Variants in L3MBTL3 observed in about 807,000 individuals in gnomAD.
The protein encoded by L3MBTL3 is lethal(3)malignant brain tumor-like protein 3.
A neutral mutation model predicts 102.3 loss-of-function variants in L3MBTL3; 27 were observed. That is an observed-to-expected ratio of 0.26 (90% CI 0.19 to 0.36). The LOEUF (loss-of-function observed/expected upper bound fraction) is 0.36. Ranked by LOEUF, L3MBTL3 falls within the 10% of genes least tolerant of loss-of-function variation. L3MBTL3 has a pLI of 1.00. For synonymous variants in L3MBTL3, 340 were observed against 320.9 expected (o/e 1.06, Z -0.64); for missense variants, 798 against 955.3 (o/e 0.84, Z 2.17).
At chr6:130,082,476 T>C (rs565288049) in intron 14 of L3MBTL3, among the ~76,000 whole-genome samples, 4 of 152,348 alleles carry the variant, frequency 2.6e-5, no homozygotes, top group African/African-American at 9.6e-5. Context: ...TGAGTTATAA[T>C]TGATTGCTAG....
At chr6:130,065,114 G>C (rs938455578) in intron 10 of L3MBTL3, among the ~76,000 whole-genome samples, 1 of 152,062 alleles carries the variant, frequency 6.6e-6, no homozygotes, top group Non-Finnish European at 1.5e-5. Context: ...TTGTAAATTT[G>C]ATGTATGTGG....
chr6:130,069,428 T>C (rs1011223064), intron 12 of L3MBTL3, among the ~76,000 whole-genome samples: 1 of 152,240 alleles, frequency 6.6e-6, no homozygotes, highest in African/African-American at 2.4e-5. Flanking sequence ...CTGAAATGTT[T>C]TCTGATTTAA....
chr6:130,084,548 T>C (rs2115133994), intron 15 of L3MBTL3, among the ~76,000 whole-genome samples: 1 of 152,294 alleles, frequency 6.6e-6, no homozygotes, highest in South Asian at 2.1e-4. Flanking sequence ...AAAAAATGTG[T>C]GTGATTTCAT....
At chr6:130,132,014 A>T (rs1787099807) in intron 20 of L3MBTL3, among the ~76,000 whole-genome samples, 1 of 152,244 alleles carries the variant, frequency 6.6e-6, no homozygotes, top group East Asian at 1.9e-4. Flanking sequence ...GCTCCTGCTC[A>T]AGATGGAGTT....
chr6:130,052,955 C>T lies in L3MBTL3; in HGVS notation c.546C>T (p.Asp182=), dbSNP rs1485945248. ...AACCAAAATTATCTCTGAAAGCTGA[C>T]ACCAAGGAGGATGGAGAAGAGAGAG... is the stretch of plus-strand genomic sequence containing the variant. ...KKKPKLSLKA[D]TKEDGEERDD... Residue 182 remains aspartate (D), a synonymous_variant, in exon 7 of 23, where the codon GAC becomes GAT. Coordinates refer to ENST00000361794, the MANE Select transcript of L3MBTL3 (RefSeq NM_032438.4). 1 of 1,613,594 alleles carries T rather than the reference C, an allele frequency of 6.2e-7. No individual in the cohort carries two copies. The highest frequency in any genetic ancestry group is 2.2e-5 in the East Asian group (1 of 44,888).
chr6:130,034,651 T>C (rs868159316), intron 2 of L3MBTL3, among the ~76,000 whole-genome samples: 1 of 152,232 alleles, frequency 6.6e-6, no homozygotes, highest in Non-Finnish European at 1.5e-5. Flanking sequence ...TTAATTTTGT[T>C]TCATTTCTTA....
chr6:130,062,075 G>A (rs371806853), intron 10 of L3MBTL3, among the ~76,000 whole-genome samples: 13 of 152,288 alleles, frequency 8.5e-5, no homozygotes, highest in African/African-American at 3.1e-4. Flanking sequence ...AGCTATAGAA[G>A]AGAAAGGGAA....
intron 10 of L3MBTL3, among the ~76,000 whole-genome samples, chr6:130,062,586 G>A (rs1156717976): frequency 6.7e-6 from 1 of 148,442 alleles, no homozygotes; most frequent in African/African-American, 2.5e-5. Context: ...TTAGAAATGG[G>A]GTCCTGCAAT....
At chr6:130,081,929 G>A (rs1263712140) in intron 14 of L3MBTL3, among the ~76,000 whole-genome samples, 1 of 152,074 alleles carries the variant, frequency 6.6e-6, no homozygotes, top group Non-Finnish European at 1.5e-5. Flanking sequence ...TGACTTTTAT[G>A]ACCTTAATAA....
At chr6:130,103,845 T>C (rs1312864132) in intron 18 of L3MBTL3, among the ~76,000 whole-genome samples, 1 of 152,238 alleles carries the variant, frequency 6.6e-6, no homozygotes. Flanking sequence ...AGTTGGCCTC[T>C]GGTCCTTTTT....
chr6:130,094,146 GT>G (rs983792102), intron 17 of L3MBTL3, 118 bp from the exon 18 acceptor site: 1 of 593,560 alleles, frequency 1.7e-6, no homozygotes, highest in African/African-American at 1.9e-5. Flanking sequence ...ATGTATGTTG[GT>G]TAAAAAATTG....
rs769461930 is a variant in L3MBTL3 at position 130,071,082 on chromosome 6, G to A, written c.1199G>A (p.Arg400His). The change falls in exon 13 of 23, where the codon CGT becomes CAT. Residue 400 changes from arginine (R) to histidine (H), a missense_variant. Around this residue, in one of 4 missense-constraint regions of L3MBTL3, gnomAD observed 434 missense variants for 506.6 expected, o/e 0.86. Coordinates refer to ENST00000361794, the MANE Select transcript of L3MBTL3 (RefSeq NM_032438.4). ...ACGGTAACAGATATGGTGGACAATC[G>A]TTTCCTGGTACATTTTGACAACTGG... ...VATVTDMVDN[R>H]FLVHFDNWDE... is the part of the protein sequence containing the mutation. 23 of 1,612,936 alleles carry A rather than the reference G, an allele frequency of 1.4e-5. 1 individual carries two copies. The Admixed American group carries it at 2.2e-4, about 15-fold the overall frequency.
intron 19 of L3MBTL3, among the ~76,000 whole-genome samples, chr6:130,113,871 T>C (rs1376716027): frequency 6.8e-6 from 1 of 147,654 alleles, no homozygotes; most frequent in Non-Finnish European, 1.5e-5. Flanking sequence ...TAAATCTATT[T>C]GCTTTGCAAA....
At chr6:130,087,442 A>G (rs1343181263) in intron 16 of L3MBTL3, among the ~76,000 whole-genome samples, 1 of 152,178 alleles carries the variant, frequency 6.6e-6, no homozygotes, top group Non-Finnish European at 1.5e-5. Context: ...ACAATTAAGT[A>G]CAATATTACT....
At chr6:130,024,108 A>G (rs757733489) in intron 2 of L3MBTL3, among the ~76,000 whole-genome samples, 14 of 152,146 alleles carry the variant, frequency 9.2e-5, no homozygotes, top group Non-Finnish European at 1.9e-4. Context: ...TGTAATTAAT[A>G]TTTTAGTTGC....
chr6:130,032,067 C>G (rs1422266191), intron 2 of L3MBTL3, among the ~76,000 whole-genome samples: 1 of 152,022 alleles, frequency 6.6e-6, no homozygotes, highest in Non-Finnish European at 1.5e-5. Context: ...TGTGCAACAC[C>G]ATGCCTGGCT....
At chr6:130,083,486 G>A (rs1783494730) in intron 14 of L3MBTL3, 134 bp from the exon 15 acceptor site, 1 of 442,856 alleles carries the variant, frequency 2.3e-6, no homozygotes, top group Admixed American at 4.3e-5. Context: ...AGCTCTGAAT[G>A]TGTGAGTAAA....
At chr6:130,068,511 A>G in intron 12 of L3MBTL3, 90 bp downstream of exon 12, 1 of 679,352 alleles carries the variant, frequency 1.5e-6, no homozygotes, top group Middle Eastern at 2.8e-4. Context: ...AAGGAACTAT[A>G]ATAAATTTTA....
intron 20 of L3MBTL3, among the ~76,000 whole-genome samples, chr6:130,123,444 C>G (rs189577917): frequency 1.2e-4 from 19 of 152,164 alleles, no homozygotes; most frequent in Admixed American, 9.8e-4. Context: ...TGAAAGAGAG[C>G]TTCATAAAAT....
Sources: gnomAD v4.1 joint callset for allele counts (sites outside exome capture counted in the v4.1 genomes callset) on GRCh38, gnomAD v4.1.1 for gene constraint, gnomAD v4.1.1 regional missense constraint, MANE v1.5 for transcripts, NCBI Gene and HGNC (gene_info 2026-07-23, HGNC 2026-07-21) for gene names.